C10orf90: variants seen among roughly 807,000 people sequenced by gnomAD.
C10orf90 encodes the protein chromosome 10 open reading frame 90.
C10orf90 carries 56 observed loss-of-function variants against 62.5 expected under a neutral mutation model. The ratio of observed to expected loss-of-function variants is 0.90; its 90% CI spans 0.72 to 1.12. The LOEUF is 1.12. C10orf90 is among the 50% of genes most tolerant of loss of function. The pLI is 0.00. For missense variants in C10orf90, 970 were observed against 880.4 expected (o/e 1.10, Z -1.29); for synonymous variants, 386 against 340.4 (o/e 1.13, Z -1.47).
At chr10:126,613,273 C>T (rs949722795) in intron 2 of C10orf90, among the ~76,000 whole-genome samples, 3 of 152,102 alleles carry the variant, frequency 2.0e-5, no homozygotes, top group African/African-American at 7.2e-5. Context: ...CTCCTCTCTC[C>T]ACCTAGGTTG....
chr10:126,614,196 A>T (rs1241358168), intron 2 of C10orf90, among the ~76,000 whole-genome samples: 1 of 152,120 alleles, frequency 6.6e-6, no homozygotes, highest in Non-Finnish European at 1.5e-5. Flanking sequence ...AGGTCATTGC[A>T]CTGAGCCCCT....
At chr10:126,463,798 C>T (rs562316778) in intron 5 of C10orf90, among the ~76,000 whole-genome samples, 9 of 152,350 alleles carry the variant, frequency 5.9e-5, no homozygotes, top group East Asian at 1.9e-4. Flanking sequence ...CACACAGACA[C>T]GGCTATGCTG....
chr10:126,504,274 A>T lies in C10orf90; in HGVS notation c.1217T>A (p.Leu406Gln). ...HRLTADGVDGLVNREPISEAL... is the reference protein window; with the variant it reads ...HRLTADGVDGQVNREPISEAL... The stretch of plus-strand genomic sequence containing the variant: ...TTCGCTTATTGGCTCTCTGTTCACT[A>T]GGCCATCTACTCCATCTGCTGTTAA... Residue 406 changes from leucine to glutamine, a missense_variant, in exon 4 of 10, where the codon CTA becomes CAA. Coordinates refer to ENST00000488181, the MANE Select transcript of C10orf90 (RefSeq NM_001350921.2). This position sits in a 1 kb window ranked among gnomAD's most constrained non-coding sequence, Gnocchi z 4.1. 6.2e-7 allele frequency: 1 copy of T among 1,614,166 alleles called. No individual in the cohort carries two copies. Among genetic ancestry groups the T allele is most frequent in the Non-Finnish European group, 8.5e-7 (1 of 1,180,034 alleles).
intron 2 of C10orf90, among the ~76,000 whole-genome samples, chr10:126,527,876 C>T (rs113413451): frequency 2.0e-5 from 3 of 152,324 alleles, no homozygotes; most frequent in East Asian, 1.9e-4. Flanking sequence ...ATCAAAGTCA[C>T]GGCATGAGCA....
At chr10:126,581,458 G>C (rs1350461912) in intron 2 of C10orf90, among the ~76,000 whole-genome samples, 1 of 152,072 alleles carries the variant, frequency 6.6e-6, no homozygotes, top group Non-Finnish European at 1.5e-5. Flanking sequence ...CCTTCTTCAG[G>C]GATGCTGCAC....
Position 126,580,299 on chromosome 10 carries a change from TA to T in C10orf90, c.313+66265del, listed in dbSNP as rs765856737. 1.4e-4 allele frequency among the ~76,000 whole-genome samples: 22 copies of T among 152,226 alleles called. 1 individual carries two copies. The highest frequency in any genetic ancestry group is 2.2e-4 in the Non-Finnish European group (15 of 68,038). On this transcript the variant is annotated intron_variant, in intron 2 of 9. Coordinates refer to ENST00000488181, the MANE Select transcript of C10orf90 (RefSeq NM_001350921.2). The stretch of plus-strand genomic sequence containing the variant: ...GATCTTAGGAGATCTTGATCTTTTC[TA>T]ACAAATCCATTTTCCCAATGGCTAA...
At chr10:126,529,221 CAGA>C (rs1005460427) in intron 2 of C10orf90, among the ~76,000 whole-genome samples, 4 of 152,108 alleles carry the variant, frequency 2.6e-5, no homozygotes, top group African/African-American at 9.7e-5. Flanking sequence ...AAATCAACTC[CAGA>C]TAATCTAAAA....
chr10:126,507,356 CA>C (rs1204374185), intron 3 of C10orf90, among the ~76,000 whole-genome samples: 1,504 of 68,996 alleles, frequency 0.022, 1 homozygote, highest in African/African-American at 0.03. Flanking sequence ...GACTCCATCT[CA>C]AAAAAAAAAA....
In C10orf90 at chr10:126,554,616, A is replaced by C. The variant is rs1302083103; in HGVS notation, c.314-40677T>G. On this transcript the variant is annotated intron_variant, in intron 2 of 9. Coordinates refer to ENST00000488181, the MANE Select transcript of C10orf90 (RefSeq NM_001350921.2). ...TCACTCAAAAAATTAGCACTCTACTATTTTTGTTAATTTTACTCTCACAGT... is the reference window on the plus strand; with the variant it reads ...TCACTCAAAAAATTAGCACTCTACTCTTTTTGTTAATTTTACTCTCACAGT... Among the ~76,000 whole-genome samples, 3 of 152,190 alleles carry C rather than the reference A, an allele frequency of 2.0e-5. No homozygotes were observed. In the South Asian group the frequency reaches 6.2e-4, roughly 31 times the overall value.
intron 2 of C10orf90, among the ~76,000 whole-genome samples, chr10:126,531,409 A>G (rs1317254019): frequency 6.6e-6 from 1 of 152,214 alleles, no homozygotes; most frequent in Non-Finnish European, 1.5e-5. Context: ...CCCATGACAA[A>G]GGATTGTTAG....
At chr10:126,615,447 G>A (rs765742471) in intron 2 of C10orf90, among the ~76,000 whole-genome samples, 15 of 152,130 alleles carry the variant, frequency 9.9e-5, no homozygotes, top group Non-Finnish European at 1.6e-4. Context: ...TTACTTGTTA[G>A]TAATATTTCA....
At chr10:126,635,747 C>T (rs36105895) in intron 2 of C10orf90, among the ~76,000 whole-genome samples, 12,363 of 152,214 alleles carry the variant, frequency 0.081, 575 homozygotes, top group Middle Eastern at 0.15. Flanking sequence ...GGGTGCTCAC[C>T]GTCCTCCTTC....
At chr10:126,467,067 AT>A (rs1362917289) in intron 4 of C10orf90, among the ~76,000 whole-genome samples, 1 of 152,166 alleles carries the variant, frequency 6.6e-6, no homozygotes, top group South Asian at 2.1e-4. Context: ...CTGGAGTATG[AT>A]TTTTTAAATT....
intron 4 of C10orf90, chr10:126,469,858 C>A (rs1270336342): frequency 2.2e-6 from 1 of 456,626 alleles, no homozygotes. Flanking sequence ...TGCATGGGCG[C>A]CTGCAGGTGA....
At chr10:126,518,771 C>T (rs1030399177) in intron 2 of C10orf90, among the ~76,000 whole-genome samples, 1 of 152,172 alleles carries the variant, frequency 6.6e-6, no homozygotes, top group Non-Finnish European at 1.5e-5. Flanking sequence ...GCTGCTGTCT[C>T]CATCCGCCTG....
At chr10:126,536,859 G>A (rs560770562) in intron 2 of C10orf90, among the ~76,000 whole-genome samples, 1 of 152,274 alleles carries the variant, frequency 6.6e-6, no homozygotes, top group African/African-American at 2.4e-5. Context: ...AAAACATGAA[G>A]CTTCTGAGGG....
chr10:126,609,330 G>C (rs577131462), intron 2 of C10orf90, among the ~76,000 whole-genome samples: 1 of 152,288 alleles, frequency 6.6e-6, no homozygotes, highest in Non-Finnish European at 1.5e-5. Context: ...TTGAACCTAG[G>C]AGGCAGAGGT....
At chr10:126,455,762 A>G (rs1170730836) in intron 7 of C10orf90, among the ~76,000 whole-genome samples, 1 of 151,936 alleles carries the variant, frequency 6.6e-6, no homozygotes, top group Non-Finnish European at 1.5e-5. Flanking sequence ...GTTCATGAAA[A>G]TTTTCCTGCC....
rs191203379 is a variant in C10orf90 at position 126,565,368 on chromosome 10, T to A, written c.314-51429A>T. The stretch of plus-strand genomic sequence containing the variant: ...ATATATAATATATAATATATATTAT[T>A]TTATATAATAATATATATTATATAT... On this transcript the variant is annotated intron_variant, in intron 2 of 9. Coordinates refer to ENST00000488181, the MANE Select transcript of C10orf90 (RefSeq NM_001350921.2). Among the ~76,000 whole-genome samples, 138 of 44,740 alleles carry A rather than the reference T, an allele frequency of 3.1e-3. 3 individuals are homozygous for A. The highest frequency in any genetic ancestry group is 0.01 in the African/African-American group (120 of 11,912). 29.4% of individuals were successfully genotyped at this position (44,740 alleles called of 152,430 possible).
Sources: allele counts gnomAD v4.1 joint callset (sites outside exome capture counted in the v4.1 genomes callset), GRCh38; gene constraint gnomAD v4.1.1; non-coding constraint Gnocchi (gnomAD v3.1); transcripts MANE v1.5; gene names NCBI Gene and HGNC (gene_info 2026-07-23, HGNC 2026-07-21).